The following SH3GL3 variants were observed in gnomAD, a reference collection of about 807,000 sequenced individuals.
SH3GL3 encodes the protein SH3 domain containing GRB2 like 3, endophilin A3.
In SH3GL3, 33 loss-of-function variants were observed where a neutral mutation model predicts 47.7. The ratio of observed to expected loss-of-function variants is 0.69; its 90% CI spans 0.52 to 0.92. The LOEUF (loss-of-function observed/expected upper bound fraction) is 0.92. SH3GL3 is among the 40% of genes least tolerant of loss of function. The pLI is 0.00. For synonymous variants in SH3GL3, 155 were observed against 148.8 expected, an observed-to-expected ratio of 1.04 and a Z score of -0.30; for missense variants, 363 against 417.8, an observed-to-expected ratio of 0.87 and a Z score of 1.14.
chr15:83,462,913 A>G (rs554981086), intron 1 of SH3GL3, among the ~76,000 whole-genome samples: 15 of 152,210 alleles, frequency 9.9e-5, no homozygotes, highest in Non-Finnish European at 1.9e-4. Flanking sequence ...AAGAATATCT[A>G]TCCAGGACAG....
chr15:83,629,449 G>C, the SH3GL3 span, among the ~76,000 whole-genome samples: 1 of 152,222 alleles, frequency 6.6e-6, no homozygotes, highest in East Asian at 1.9e-4. Context: ...TAATTCAGTG[G>C]GGAAATAAAA....
chr15:83,603,652 T>A (rs1053206521), intron 8 of SH3GL3, among the ~76,000 whole-genome samples: 7 of 152,220 alleles, frequency 4.6e-5, no homozygotes, highest in African/African-American at 1.4e-4. Context: ...GCTCTTTCTT[T>A]TATCTTTGCT....
rs1006156916 is a variant in SH3GL3 at position 83,587,147 on chromosome 15, A to AT, written c.728+62dup. The AT allele has an allele frequency of 7.0e-6, 6 of 862,606 alleles. No individual in the cohort carries two copies. In the African/African-American group the frequency reaches 1.0e-4, roughly 15 times the overall value. The allele number at this position is 862,606 out of a possible 1,614,324, so 53.4% of individuals were successfully genotyped here. ...GCGGAGGTAACATCTATTGAAATCCATCTGTCTGTCTCTCCATCTCTCCAT... is the reference window on the plus strand; with the variant it reads ...GCGGAGGTAACATCTATTGAAATCCATTCTGTCTGTCTCTCCATCTCTCCAT... On this transcript the variant is annotated intron_variant, in intron 7 of 8. Coordinates refer to ENST00000427482, the MANE Select transcript of SH3GL3 (RefSeq NM_003027.5).
At chr15:83,469,808 A>G (rs1336878858) in intron 1 of SH3GL3, among the ~76,000 whole-genome samples, 1 of 152,190 alleles carries the variant, frequency 6.6e-6, no homozygotes, top group East Asian at 1.9e-4. Flanking sequence ...AGTGTTCCAA[A>G]TAAATTATCT....
chr15:83,526,377 CA>C (rs2043420984), intron 1 of SH3GL3, among the ~76,000 whole-genome samples: 1 of 152,158 alleles, frequency 6.6e-6, no homozygotes, highest in South Asian at 2.1e-4. Context: ...ATGTTCAATG[CA>C]ACACTATTTG....
intron 1 of SH3GL3, among the ~76,000 whole-genome samples, chr15:83,547,180 C>G (rs981624410): frequency 6.6e-6 from 1 of 152,148 alleles, no homozygotes; most frequent in Non-Finnish European, 1.5e-5. Context: ...TTTAGGACCC[C>G]AGAACACTTT....
At chr15:83,474,184 G>A (rs1204640943) in intron 1 of SH3GL3, among the ~76,000 whole-genome samples, 1 of 152,096 alleles carries the variant, frequency 6.6e-6, no homozygotes, top group Non-Finnish European at 1.5e-5. Flanking sequence ...ATAATCTCTT[G>A]TCCTGTTTAT....
chr15:83,602,595 C>G (rs1331181329), intron 8 of SH3GL3, among the ~76,000 whole-genome samples: 3 of 152,164 alleles, frequency 2.0e-5, no homozygotes, highest in African/African-American at 7.2e-5. Flanking sequence ...GCCCTTAATA[C>G]TATTGCATTG....
intron 1 of SH3GL3, among the ~76,000 whole-genome samples, chr15:83,500,748 G>A (rs71395415): frequency 1.3e-5 from 2 of 152,192 alleles, no homozygotes; most frequent in East Asian, 1.9e-4. Flanking sequence ...GAGAAAGTCC[G>A]GTGTGCTGAT....
At chr15:83,593,192 C>A (rs746134905) in intron 8 of SH3GL3, among the ~76,000 whole-genome samples, 2 of 152,138 alleles carry the variant, frequency 1.3e-5, no homozygotes, top group Non-Finnish European at 2.9e-5. Context: ...TTTGCATTTT[C>A]ATGTGAGTTT....
At chr15:83,580,935 A>G (rs922910056) in intron 6 of SH3GL3, among the ~76,000 whole-genome samples, 1 of 152,250 alleles carries the variant, frequency 6.6e-6, no homozygotes, top group Non-Finnish European at 1.5e-5. Context: ...CGCTCCAAAG[A>G]GAAAGTGAAT....
intron 6 of SH3GL3, among the ~76,000 whole-genome samples, chr15:83,586,003 A>G (rs774987551): frequency 8.5e-5 from 13 of 152,222 alleles, no homozygotes; most frequent in Non-Finnish European, 1.9e-4. Flanking sequence ...ACTTTGCCCT[A>G]AAGCTGAGTA....
At chr15:83,553,132 G>C (rs969248759) in intron 1 of SH3GL3, among the ~76,000 whole-genome samples, 1 of 151,952 alleles carries the variant, frequency 6.6e-6, no homozygotes, top group Non-Finnish European at 1.5e-5. Flanking sequence ...CAGGCATGAT[G>C]CTGTGCACCT....
At chr15:83,486,337 G>A (rs1034622997) in intron 1 of SH3GL3, among the ~76,000 whole-genome samples, 1 of 152,080 alleles carries the variant, frequency 6.6e-6, no homozygotes, top group Non-Finnish European at 1.5e-5. Context: ...TCTCTATCTA[G>A]TTCCAAAACA....
intron 1 of SH3GL3, among the ~76,000 whole-genome samples, chr15:83,473,189 C>T (rs2040909645): frequency 1.4e-5 from 2 of 138,336 alleles, no homozygotes; most frequent in African/African-American, 5.4e-5. Flanking sequence ...GGCGAAAGTT[C>T]AGGCTCCCCA....
intron 1 of SH3GL3, among the ~76,000 whole-genome samples, chr15:83,547,485 C>A (rs2044460884): frequency 6.6e-6 from 1 of 152,208 alleles, no homozygotes; most frequent in Non-Finnish European, 1.5e-5. Flanking sequence ...AACTATCATT[C>A]CTATCCTCTT....
At chr15:83,459,788 G>T (rs1157568207) in intron 1 of SH3GL3, among the ~76,000 whole-genome samples, 1 of 152,254 alleles carries the variant, frequency 6.6e-6, no homozygotes, top group East Asian at 1.9e-4. Flanking sequence ...CAAGAGTTCA[G>T]CTTTTTGCCA....
downstream of SH3GL3, among the ~76,000 whole-genome samples, chr15:83,620,301 C>G (rs2060910824): frequency 6.6e-6 from 1 of 152,206 alleles, no homozygotes; most frequent in South Asian, 2.1e-4. Flanking sequence ...TTAAAGGCAT[C>G]TAGAATACTG....
chr15:83,470,339 C>T (rs1034342080), intron 1 of SH3GL3, among the ~76,000 whole-genome samples: 2 of 152,166 alleles, frequency 1.3e-5, no homozygotes, highest in Non-Finnish European at 2.9e-5. Context: ...ATTCTCCTGC[C>T]TCAGCCTCCC....
Sources: gnomAD v4.1 joint callset for allele counts (sites outside exome capture counted in the v4.1 genomes callset) on GRCh38, gnomAD v4.1.1 for gene constraint, MANE v1.5 for transcripts, NCBI Gene and HGNC (gene_info 2026-07-23, HGNC 2026-07-21) for gene names.